LRP12: variants seen among roughly 807,000 people sequenced by gnomAD.
LRP12 encodes the protein low-density lipoprotein receptor-related protein 12.
In LRP12, 14 loss-of-function variants were observed where a neutral mutation model predicts 66.0. The ratio of observed to expected loss-of-function variants is 0.21; its 90% CI spans 0.14 to 0.33. The LOEUF (loss-of-function observed/expected upper bound fraction) is 0.33. Ranked by LOEUF, LRP12 falls within the 10% of genes least tolerant of loss-of-function variation. The probability of loss-of-function intolerance (pLI) is 1.00; values close to 1 mark genes in which losing one functional copy is unlikely to be tolerated. For synonymous variants in LRP12, 357 were observed against 359.1 expected (o/e 0.99, Z 0.07); for missense variants, 889 against 1,053.4 (o/e 0.84, Z 2.16).
At chr8:104,543,920 TCAAAA>T (rs750150191) in intron 1 of LRP12, among the ~76,000 whole-genome samples, 8 of 152,058 alleles carry the variant, frequency 5.3e-5, no homozygotes, top group Middle Eastern at 3.4e-3. Flanking sequence ...ACACTCCATC[TCAAAA>T]CAAAACAAAA....
At chr8:104,508,907 A>C (rs771613475) in intron 3 of LRP12, 32 bp downstream of exon 3, 1 of 1,553,876 alleles carries the variant, frequency 6.4e-7, no homozygotes, top group Admixed American at 1.9e-5. Flanking sequence ...TTTTGTAATA[A>C]ATTATATAGT....
chr8:104,570,511 C>T (rs181602052), intron 1 of LRP12, among the ~76,000 whole-genome samples: 20 of 152,126 alleles, frequency 1.3e-4, no homozygotes, highest in Admixed American at 5.9e-4. Flanking sequence ...CGTGCAAAGG[C>T]AGCTCAATGG....
At chr8:104,547,883 C>CATTTTGTATATAATATACAATTCTGTTAT in intron 1 of LRP12, among the ~76,000 whole-genome samples, 1 of 121,550 alleles carries the variant, frequency 8.2e-6, no homozygotes, top group Non-Finnish European at 1.6e-5. Flanking sequence ...TGTTATATTA[C>CATTTTGTATATAATATACAATTCTGTTAT]ATTTTGTATA....
At chr8:104,549,122 C>G (rs912198154) in intron 1 of LRP12, among the ~76,000 whole-genome samples, 1 of 152,030 alleles carries the variant, frequency 6.6e-6, no homozygotes, top group Non-Finnish European at 1.5e-5. Context: ...CTTAAATATA[C>G]ATTCAAGTAA....
intron 1 of LRP12, among the ~76,000 whole-genome samples, chr8:104,584,896 T>C (rs897709339): frequency 1.3e-5 from 2 of 152,228 alleles, no homozygotes; most frequent in African/African-American, 4.8e-5. Flanking sequence ...TGGAATTTCT[T>C]GTCTACCCTT....
intron 1 of LRP12, among the ~76,000 whole-genome samples, chr8:104,569,915 A>T (rs1306747353): frequency 1.3e-5 from 2 of 152,150 alleles, no homozygotes; most frequent in Non-Finnish European, 2.9e-5. Flanking sequence ...AATTTGAGAG[A>T]AATCTACACA....
At chr8:104,522,360 G>C (rs975550526) in intron 2 of LRP12, among the ~76,000 whole-genome samples, 7 of 151,944 alleles carry the variant, frequency 4.6e-5, no homozygotes, top group African/African-American at 1.7e-4. Flanking sequence ...AGCAAGAAAG[G>C]GTGATGATTT....
chr8:104,497,497 A>G lies in LRP12; in HGVS notation c.1055T>C (p.Val352Ala). Residue 352 changes from valine to alanine, a missense_variant, in exon 5 of 7, where the codon GTA (valine) becomes GCA (alanine). By Grantham distance (64) the Val-to-Ala change is moderately conservative. Transcript: ENST00000276654. The surrounding 1 kb of genome is among the most constrained non-coding windows in gnomAD (Gnocchi z 4.3). ...ATTCACTTTATCAGCACAAAAATGT[A>G]CCCTTATCTGTCCAGAAGAAGAAAC... ...TVVSSSGQIR[V>A]HFCADKVNAA... 6.2e-7 allele frequency: 1 copy of G among 1,614,098 alleles called. No individual in the cohort carries two copies. Among genetic ancestry groups the G allele is most frequent in the South Asian group, 1.1e-5 (1 of 91,080 alleles).
chr8:104,553,040 G>T (rs895209883), intron 1 of LRP12, among the ~76,000 whole-genome samples: 3 of 152,190 alleles, frequency 2.0e-5, no homozygotes, highest in Non-Finnish European at 4.4e-5. Flanking sequence ...GTGAAATATA[G>T]GGGTACAGGA....
At chr8:104,544,725 T>C (rs946376596) in intron 1 of LRP12, among the ~76,000 whole-genome samples, 1 of 152,068 alleles carries the variant, frequency 6.6e-6, no homozygotes, top group Non-Finnish European at 1.5e-5. Context: ...CTTGAGACCA[T>C]CCGCTCAGAA....
intron 2 of LRP12, among the ~76,000 whole-genome samples, chr8:104,529,986 A>C (rs1811301538): frequency 6.6e-6 from 1 of 152,218 alleles, no homozygotes; most frequent in African/African-American, 2.4e-5. Flanking sequence ...CTGAATGCGG[A>C]AACAGATATG....
At chr8:104,586,854 G>A (rs529202318) in intron 1 of LRP12, among the ~76,000 whole-genome samples, 2 of 150,920 alleles carry the variant, frequency 1.3e-5, no homozygotes, top group South Asian at 2.1e-4. Flanking sequence ...TTTACACTTT[G>A]AAACCTGCTG....
At chr8:104,545,365 G>C (rs1157503236) in intron 1 of LRP12, among the ~76,000 whole-genome samples, 1 of 152,232 alleles carries the variant, frequency 6.6e-6, no homozygotes. Context: ...TGATAAAGCA[G>C]CAGCAGGGTT....
At position 104,589,010 on chromosome 8, in the gene LRP12, T is replaced by TGA. The variant is rs1812391797; in HGVS notation, c.-114_-113insTC. 1.8e-6 allele frequency: 1 copy of TGA among 548,098 alleles called. No homozygotes were observed. The highest frequency in any genetic ancestry group is 5.1e-5 in the East Asian group (1 of 19,566). 34.0% of individuals were successfully genotyped at this position (548,098 alleles called of 1,614,324 possible). A position where few individuals can be genotyped will look rare whatever the true frequency, so the allele number is the denominator to read the frequency against. ...CCGCCGCCGCCGCCGAGCCACCGGC[T>TGA]GCTCCCTGCGCTCTCCGCGGCTGCG... On this transcript the variant is annotated 5_prime_UTR_variant, in exon 1 of 7. Coordinates refer to ENST00000276654, the MANE Select transcript of LRP12 (RefSeq NM_013437.5).
intron 1 of LRP12, among the ~76,000 whole-genome samples, chr8:104,542,896 A>G (rs932575192): frequency 6.6e-6 from 1 of 151,766 alleles, no homozygotes; most frequent in Non-Finnish European, 1.5e-5. Flanking sequence ...AGTGGTAGAG[A>G]AGGAGTTTGT....
chr8:104,521,833 A>C (rs1313851176), intron 2 of LRP12, among the ~76,000 whole-genome samples: 3 of 152,004 alleles, frequency 2.0e-5, no homozygotes, highest in Non-Finnish European at 4.4e-5. Context: ...CAAAAGAACT[A>C]GTGAAATTCT....
chr8:104,579,360 C>G (rs1812212113), intron 1 of LRP12, among the ~76,000 whole-genome samples: 1 of 151,966 alleles, frequency 6.6e-6, no homozygotes, highest in Non-Finnish European at 1.5e-5. Context: ...TACCCAGGAA[C>G]ACAGCTAACC....
intron 1 of LRP12, among the ~76,000 whole-genome samples, chr8:104,582,692 A>C (rs1012831317): frequency 2.0e-5 from 3 of 152,104 alleles, no homozygotes; most frequent in African/African-American, 7.2e-5. Context: ...CTTGTAATTT[A>C]AGTCCATCTC....
chr8:104,536,372 T>G (rs192813002), intron 1 of LRP12, among the ~76,000 whole-genome samples: 1 of 152,100 alleles, frequency 6.6e-6, no homozygotes, highest in East Asian at 1.9e-4. Flanking sequence ...CTGTCACTTT[T>G]TGAAAATTTA....
Sources: gnomAD v4.1 joint callset for allele counts (sites outside exome capture counted in the v4.1 genomes callset) on GRCh38, gnomAD v4.1.1 for gene constraint, Gnocchi (gnomAD v3.1) non-coding constraint, MANE v1.5 for transcripts, NCBI Gene and HGNC (gene_info 2026-07-23, HGNC 2026-07-21) for gene names.